The following PACRG variants were observed in gnomAD, a reference collection of about 807,000 sequenced individuals.
The protein encoded by PACRG is parkin coregulated.
A neutral mutation model predicts 29.7 loss-of-function variants in PACRG; 29 were observed. That is an observed-to-expected ratio of 0.98 (90% CI 0.73 to 1.33). The LOEUF (loss-of-function observed/expected upper bound fraction) is 1.33, where lower values mean the gene tolerates loss of function less well. PACRG is among the 40% of genes most tolerant of loss of function. The pLI is 0.00. For synonymous variants in PACRG, 116 were observed against 118.7 expected, an observed-to-expected ratio of 0.98 and a Z score of 0.15; for missense variants, 279 against 316.2, an observed-to-expected ratio of 0.88 and a Z score of 0.89.
chr6:163,194,560 G>A (rs1038325106), intron 4 of PACRG, among the ~76,000 whole-genome samples: 10 of 152,140 alleles, frequency 6.6e-5, no homozygotes, highest in African/African-American at 2.4e-4. Flanking sequence ...ACTTGACGGG[G>A]ACCCTGACAG....
chr6:162,816,156 T>C (rs1219759751), intron 2 of PACRG, among the ~76,000 whole-genome samples: 1 of 152,116 alleles, frequency 6.6e-6, no homozygotes, highest in African/African-American at 2.4e-5. Context: ...AAGCTACTAT[T>C]GATTATAGTA....
In PACRG at chr6:162,777,129, T is replaced by A. The variant is rs1157870523; in HGVS notation, c.157-37018T>A. Among the ~76,000 whole-genome samples the A allele has an allele frequency of 6.6e-6, 1 of 152,202 alleles. No homozygotes were observed. Among genetic ancestry groups the A allele is most frequent in the African/African-American group, 2.4e-5 (1 of 41,464 alleles). ...GCTAGCATTAAATCAACCAACTATTTCTCTGGGTGAATGTTCTGTCGCACA... is the reference window on the plus strand; with the variant it reads ...GCTAGCATTAAATCAACCAACTATTACTCTGGGTGAATGTTCTGTCGCACA... On this transcript the variant is annotated intron_variant, in intron 1 of 4. Coordinates refer to ENST00000366888, the MANE Select transcript of PACRG (RefSeq NM_001080379.2). This position sits in a 1 kb window ranked among gnomAD's most constrained non-coding sequence, Gnocchi z 4.0.
chr6:163,035,104 C>T (rs1026094252), intron 2 of PACRG, among the ~76,000 whole-genome samples: 4 of 152,128 alleles, frequency 2.6e-5, no homozygotes, highest in South Asian at 2.1e-4. Context: ...TCACTCTCAT[C>T]GCCATCTTGG....
intron 2 of PACRG, among the ~76,000 whole-genome samples, chr6:162,915,918 A>G (rs1036853894): frequency 6.6e-6 from 1 of 152,126 alleles, no homozygotes; most frequent in African/African-American, 2.4e-5. Flanking sequence ...CTAATGAGCT[A>G]TACATATTTA....
intron 4 of PACRG, among the ~76,000 whole-genome samples, chr6:163,174,370 G>C (rs1335834365): frequency 6.6e-6 from 1 of 152,194 alleles, no homozygotes; most frequent in African/African-American, 2.4e-5. Context: ...TTTCAGTCTG[G>C]GCATAGAAGA....
At chr6:162,982,540 A>G (rs141012390) in intron 2 of PACRG, among the ~76,000 whole-genome samples, 3 of 152,076 alleles carry the variant, frequency 2.0e-5, no homozygotes, top group East Asian at 1.9e-4. Context: ...TTAAATTTTA[A>G]TCTTGATTTC....
intron 1 of PACRG, among the ~76,000 whole-genome samples, chr6:162,737,473 A>G (rs1562545369): frequency 6.6e-6 from 1 of 152,226 alleles, no homozygotes; most frequent in Non-Finnish European, 1.5e-5. Context: ...ATTTTCCCAA[A>G]GACATTTATT....
intron 1 of PACRG, among the ~76,000 whole-genome samples, chr6:162,761,980 G>T (rs1782409153): frequency 8.0e-6 from 1 of 124,794 alleles, no homozygotes; most frequent in Non-Finnish European, 1.6e-5. Context: ...AAAAACCCCT[G>T]AGTGACACTA....
intron 4 of PACRG, among the ~76,000 whole-genome samples, chr6:163,179,917 C>T (rs1036590005): frequency 9.9e-5 from 15 of 152,154 alleles, no homozygotes; most frequent in African/African-American, 2.7e-4. Flanking sequence ...AGGCAGGAAC[C>T]GCCAGGCACC....
chr6:163,266,362 C>A (rs13194634), intron 4 of PACRG, among the ~76,000 whole-genome samples: 13 of 152,064 alleles, frequency 8.5e-5, no homozygotes, highest in African/African-American at 2.4e-4. Flanking sequence ...TAGAGGGGAG[C>A]GGTAATTTTG....
chr6:163,117,238 G>A (rs1002073433), intron 4 of PACRG, among the ~76,000 whole-genome samples: 6 of 152,222 alleles, frequency 3.9e-5, no homozygotes, highest in Non-Finnish European at 7.3e-5. Flanking sequence ...ACTTGTGAAT[G>A]TGGAACCCTT....
intron 4 of PACRG, among the ~76,000 whole-genome samples, chr6:163,218,695 T>G (rs986797252): frequency 2.6e-5 from 4 of 152,208 alleles, no homozygotes; most frequent in African/African-American, 9.7e-5. Flanking sequence ...CACCTGCTCC[T>G]CCAGCTCCTC....
chr6:163,244,237 A>G (rs966664354), intron 4 of PACRG, among the ~76,000 whole-genome samples: 9 of 152,178 alleles, frequency 5.9e-5, no homozygotes, highest in African/African-American at 2.2e-4. Context: ...TCCTAAAAGA[A>G]AAGCTTTCTT....
intron 1 of PACRG, among the ~76,000 whole-genome samples, chr6:162,731,758 A>T (rs1410096236): frequency 6.6e-6 from 1 of 152,216 alleles, no homozygotes; most frequent in Non-Finnish European, 1.5e-5. Context: ...TCATGTGCTC[A>T]TTTAACACGT....
intron 4 of PACRG, among the ~76,000 whole-genome samples, chr6:163,282,831 G>A (rs188926357): frequency 8.5e-5 from 13 of 152,264 alleles, no homozygotes; most frequent in Admixed American, 6.5e-4. Context: ...AAAACAATGG[G>A]AAACAACAAT....
intron 1 of PACRG, among the ~76,000 whole-genome samples, chr6:162,803,830 A>G (rs1016517628): frequency 6.6e-6 from 1 of 152,156 alleles, no homozygotes; most frequent in African/African-American, 2.4e-5. Flanking sequence ...TATTATCAAG[A>G]TCATAAAATA....
intron 4 of PACRG, among the ~76,000 whole-genome samples, chr6:163,102,258 A>T (rs959503589): frequency 6.6e-6 from 1 of 152,208 alleles, no homozygotes; most frequent in Non-Finnish European, 1.5e-5. Flanking sequence ...CCTGACTCTG[A>T]GGTCAGGGTA....
At position 163,154,999 on chromosome 6, in the gene PACRG, T is replaced by C. The variant is rs375175781; in HGVS notation, c.613+65591T>C. Among the ~76,000 whole-genome samples, 4 of 151,694 alleles carry C rather than the reference T, an allele frequency of 2.6e-5. No individual in the cohort carries two copies. In the East Asian group the frequency reaches 7.7e-4, roughly 29 times the overall value. On this transcript the variant is annotated intron_variant, in intron 4 of 4. Transcript: ENST00000366888. ...AAAAAAAAACGTGGAACACTCACAA[T>C]GCAACATGACTTATCCTTGGCCTCC...
intron 1 of PACRG, among the ~76,000 whole-genome samples, chr6:162,756,558 T>C (rs796809531): frequency 6.6e-6 from 1 of 152,218 alleles, no homozygotes; most frequent in Non-Finnish European, 1.5e-5. Flanking sequence ...GACCCTCTTA[T>C]AGGCAGCATG....
Sources: gnomAD v4.1 joint callset for allele counts (sites outside exome capture counted in the v4.1 genomes callset) on GRCh38, gnomAD v4.1.1 for gene constraint, Gnocchi (gnomAD v3.1) non-coding constraint, MANE v1.5 for transcripts, NCBI Gene and HGNC (gene_info 2026-07-23, HGNC 2026-07-21) for gene names.